The following MBTPS1 variants were observed in gnomAD, a reference collection of about 807,000 sequenced individuals.
MBTPS1 encodes membrane-bound transcription factor site-1 protease.
In MBTPS1, 94 loss-of-function variants were observed where a neutral mutation model predicts 127.8. That is an observed-to-expected ratio of 0.74 (90% CI 0.62 to 0.87). MBTPS1 has a LOEUF of 0.87. Ranked by LOEUF, MBTPS1 falls within the 40% of genes least tolerant of loss-of-function variation. The probability of loss-of-function intolerance (pLI) is 0.00; values close to 1 mark genes in which losing one functional copy is unlikely to be tolerated. For missense variants in MBTPS1, 1,636 were observed against 1,353.2 expected (o/e 1.21, Z -3.28); for synonymous variants, 632 against 509.4 (o/e 1.24, Z -3.24).
chr16:84,111,487 G>C (rs1488500554), intron 1 of MBTPS1, among the ~76,000 whole-genome samples: 1 of 151,940 alleles, frequency 6.6e-6, no homozygotes, highest in Non-Finnish European at 1.5e-5. Context: ...GTTGCAGTGA[G>C]CCAAGACTGT....
chr16:84,116,537 C>G (rs1372635058), intron 1 of MBTPS1, among the ~76,000 whole-genome samples, 198 bp downstream of exon 1: 1 of 152,232 alleles, frequency 6.6e-6, no homozygotes, highest in Non-Finnish European at 1.5e-5. Context: ...CCGGAGCGCG[C>G]AGACCCCCGC....
At chr16:84,101,335 CA>C in intron 2 of MBTPS1, among the ~76,000 whole-genome samples, 1 of 151,074 alleles carries the variant, frequency 6.6e-6, no homozygotes, top group South Asian at 2.1e-4. Context: ...CAAATCAAAA[CA>C]AAAAATTAGC....
At chr16:84,072,745 G>A (rs1490070394) in intron 12 of MBTPS1, among the ~76,000 whole-genome samples, 6 of 152,144 alleles carry the variant, frequency 3.9e-5, no homozygotes, top group African/African-American at 9.7e-5. Flanking sequence ...AGCCGAGATC[G>A]TGCCACTGCA....
chr16:84,059,243 G>T, intron 21 of MBTPS1, 59 bp downstream of exon 21: 1 of 1,562,774 alleles, frequency 6.4e-7, no homozygotes, highest in South Asian at 1.2e-5. Context: ...TCTCCTATAA[G>T]AAAAGCAATG....
chr16:84,063,387 A>C lies in MBTPS1; in HGVS notation c.2490T>G (p.Leu830=). Residue 830 remains leucine, a synonymous_variant, in exon 19 of 23, where the codon CTT becomes CTG. Transcript: ENST00000343411. ...AVVENVPILG[L]YQIPAEGGGR... ...CTCCACCCTCAGCTGGAATCTGATAAAGTCCCAAAATGGGGACGTTTTCAA... is the reference window on the plus strand; with the variant it reads ...CTCCACCCTCAGCTGGAATCTGATACAGTCCCAAAATGGGGACGTTTTCAA... 1 of 1,614,166 alleles carries C rather than the reference A, an allele frequency of 6.2e-7. No individual in the cohort carries two copies. Among genetic ancestry groups the C allele is most frequent in the Non-Finnish European group, 8.5e-7 (1 of 1,179,986 alleles).
chr16:84,098,526 C>T (rs943232143), intron 3 of MBTPS1, among the ~76,000 whole-genome samples: 1 of 139,618 alleles, frequency 7.2e-6, no homozygotes, highest in African/African-American at 2.7e-5. Flanking sequence ...AGGAGAATCA[C>T]TTGAACCTGG....
rs2086171806 is a variant in MBTPS1, at chr16:84,095,820, G to C, written c.422-15C>G. 3.7e-6 allele frequency: 6 copies of C among 1,609,742 alleles called. No individual in the cohort carries two copies. The highest frequency in any genetic ancestry group is 2.2e-5 in the East Asian group (1 of 44,832). The stretch of plus-strand genomic sequence containing the variant: ...TGTGGGGTCAGCTACAGGCAAGGGA[G>C]AGAAAGATCAGAACAGAAGAGCAAA... On this transcript the variant is annotated splice_polypyrimidine_tract_variant and intron_variant, in intron 3 of 22. Coordinates refer to ENST00000343411, the MANE Select transcript of MBTPS1 (RefSeq NM_003791.4).
intron 1 of MBTPS1, among the ~76,000 whole-genome samples, chr16:84,107,260 C>T (rs914116098): frequency 7.9e-5 from 12 of 152,204 alleles, no homozygotes; most frequent in Non-Finnish European, 1.3e-4. Flanking sequence ...CACTAGTGAG[C>T]GGGTGAGCCT....
Position 84,070,037 on chromosome 16 carries a change from G to T in MBTPS1, c.1784C>A (p.Ser595Ter). 1.3e-6 allele frequency: 2 copies of T among 1,549,098 alleles called. No homozygotes were observed. Among genetic ancestry groups the T allele is most frequent in the South Asian group, 1.2e-5 (1 of 81,212 alleles). ...ITVASPAETE[S>*]KNGAEQTSTV... ...TGAAGTCTGTTCTGCACCATTTTTT[G>T]ACTAAAAAAAAAGAAAAGAAACTTG... Residue 595 changes from serine to a stop codon, truncating the protein, a stop_gained and splice_region_variant, in exon 14 of 23, where the codon TCA becomes TAA. Coordinates refer to ENST00000343411, the MANE Select transcript of MBTPS1 (RefSeq NM_003791.4). LOFTEE classifies it high-confidence loss of function.
chr16:84,063,877 T>C (rs1211009612), intron 18 of MBTPS1, among the ~76,000 whole-genome samples: 1 of 152,242 alleles, frequency 6.6e-6, no homozygotes. Flanking sequence ...CAGTCATATA[T>C]ACTAATACCC....
At chr16:84,076,801 G>A (rs1400997590) in intron 11 of MBTPS1, among the ~76,000 whole-genome samples, 1 of 152,102 alleles carries the variant, frequency 6.6e-6, no homozygotes, top group African/African-American at 2.4e-5. Flanking sequence ...CAAAATAACA[G>A]CATTATAAAA....
intron 11 of MBTPS1, among the ~76,000 whole-genome samples, chr16:84,079,770 T>C (rs1206110261): frequency 6.6e-6 from 1 of 152,182 alleles, no homozygotes; most frequent in Admixed American, 6.5e-5. Context: ...AACACTGAGA[T>C]ACTGGCTGGA....
At chr16:84,081,588 G>A (rs988199760) in intron 11 of MBTPS1, 159 bp downstream of exon 11, 10 of 455,592 alleles carry the variant, frequency 2.2e-5, no homozygotes, top group African/African-American at 2.0e-4. Flanking sequence ...TCTGCCAGCA[G>A]CACCCTGTAG....
chr16:84,087,519 AT>A, intron 8 of MBTPS1, 59 bp from the exon 9 acceptor site: 1 of 1,121,540 alleles, frequency 8.9e-7, no homozygotes. Flanking sequence ...AAGAGAAATA[AT>A]TTAAAATGGA....
At position 84,067,250 on chromosome 16, in the gene MBTPS1, T is replaced by C. The variant is rs59699908; in HGVS notation, c.2228+417A>G. 7.5e-3 allele frequency among the ~76,000 whole-genome samples: 1,136 copies of C among 152,300 alleles called. 11 individuals are homozygous for C. The highest frequency in any genetic ancestry group is 0.026 in the African/African-American group (1,069 of 41,566). ...ATCTAAGATTAACAAGGAAAGACAA[T>C]GAACCCTCTATATTATTAACAGTAC... On this transcript the variant is annotated intron_variant, in intron 16 of 22. Coordinates refer to ENST00000343411, the MANE Select transcript of MBTPS1 (RefSeq NM_003791.4).
intron 1 of MBTPS1, among the ~76,000 whole-genome samples, chr16:84,105,584 C>T (rs1334993610): frequency 6.6e-6 from 1 of 152,048 alleles, no homozygotes; most frequent in East Asian, 1.9e-4. Flanking sequence ...AACACTGGAA[C>T]CACAGGAAGA....
chr16:84,111,448 G>A (rs2086395198), intron 1 of MBTPS1, among the ~76,000 whole-genome samples: 1 of 152,128 alleles, frequency 6.6e-6, no homozygotes, highest in African/African-American at 2.4e-5. Flanking sequence ...GGCTGAGGCA[G>A]GAGAATCACT....
chr16:84,084,394 C>A (rs991682533), intron 10 of MBTPS1, among the ~76,000 whole-genome samples: 1 of 152,176 alleles, frequency 6.6e-6, no homozygotes, highest in Non-Finnish European at 1.5e-5. Context: ...ACATCCTTTG[C>A]TATAGAGAAC....
intron 16 of MBTPS1, among the ~76,000 whole-genome samples, chr16:84,066,873 C>T (rs1440219629): frequency 6.6e-6 from 1 of 152,128 alleles, no homozygotes; most frequent in East Asian, 1.9e-4. Flanking sequence ...GAGATAACTG[C>T]TTAGCCTAGA....
Sources: gnomAD v4.1 joint callset for allele counts (sites outside exome capture counted in the v4.1 genomes callset) on GRCh38, gnomAD v4.1.1 for gene constraint, MANE v1.5 for transcripts, NCBI Gene and HGNC (gene_info 2026-07-23, HGNC 2026-07-21) for gene names.